PDE4DIP: variants seen among roughly 807,000 people sequenced by gnomAD.
PDE4DIP encodes phosphodiesterase 4D interacting protein.
PDE4DIP carries 59 observed loss-of-function variants against 221.4 expected under a neutral mutation model. The ratio of observed to expected loss-of-function variants is 0.27; its 90% CI spans 0.22 to 0.33. PDE4DIP has a LOEUF of 0.33. PDE4DIP is among the 10% of genes least tolerant of loss of function. The pLI is 1.00. For synonymous variants in PDE4DIP, 404 were observed against 815.9 expected (o/e 0.50, Z 8.60); for missense variants, 1,036 against 2,154.2 (o/e 0.48, Z 10.28).
chr1:149,014,068 A>G (rs1489415716), intron 32 of PDE4DIP, among the ~76,000 whole-genome samples: 34 of 151,722 alleles, frequency 2.2e-4, no homozygotes, highest in Non-Finnish European at 4.1e-4. Context: ...GATTACAGGT[A>G]TGAGCCACTG....
chr1:148,997,569 T>C (rs368281081), intron 22 of PDE4DIP, among the ~76,000 whole-genome samples: 2,678 of 152,170 alleles, frequency 0.018, 47 homozygotes, highest in African/African-American at 0.062. Context: ...TAGTTGGTGT[T>C]GTCTTCCCTG....
At chr1:148,936,712 ATTT>A (rs141610898) in intron 4 of PDE4DIP, among the ~76,000 whole-genome samples, 1 of 151,188 alleles carries the variant, frequency 6.6e-6, no homozygotes, top group Admixed American at 6.6e-5. Context: ...TAAATTTTTA[ATTT>A]TTTTTTTTTA....
chr1:148,958,299 C>G (rs1434886929), intron 5 of PDE4DIP, among the ~76,000 whole-genome samples: 1 of 151,468 alleles, frequency 6.6e-6, no homozygotes, highest in African/African-American at 2.4e-5. Context: ...TATTGTCTTT[C>G]ACCTGCACTA....
At chr1:148,965,376 C>A (rs1553516958) in intron 9 of PDE4DIP, 108 bp from the exon 13 acceptor site, 12 of 729,248 alleles carry the variant, frequency 1.6e-5, no homozygotes, top group Non-Finnish European at 2.5e-5. Flanking sequence ...ATAATGGCAC[C>A]CTCTGCTCCT....
intron 3 of PDE4DIP, among the ~76,000 whole-genome samples, chr1:148,869,978 A>C (rs368694616): frequency 0.013 from 981 of 77,964 alleles, 33 homozygotes; most frequent in African/African-American, 0.054. Flanking sequence ...TTTTGTGTTG[A>C]CATGGGTTTA....
At chr1:148,824,425 A>G (rs1553363794) in intron 1 of PDE4DIP, among the ~76,000 whole-genome samples, 3 of 143,126 alleles carry the variant, frequency 2.1e-5, no homozygotes, top group Non-Finnish European at 4.6e-5. Flanking sequence ...TTAAAAAATA[A>G]TCTAATCTCG....
chr1:148,951,720 T>C (rs2053321745), intron 5 of PDE4DIP, among the ~76,000 whole-genome samples: 1 of 152,310 alleles, frequency 6.6e-6, no homozygotes, highest in African/African-American at 2.4e-5. Flanking sequence ...ATTCACATTG[T>C]ATGTGCCGGA....
intron 5 of PDE4DIP, among the ~76,000 whole-genome samples, chr1:148,956,074 G>A (rs1481142385): frequency 9.9e-5 from 15 of 152,118 alleles, no homozygotes; most frequent in African/African-American, 3.6e-4. Flanking sequence ...ACCAGTGCTA[G>A]ATGGGACAAT....
chr1:149,013,234 G>A (rs587635206), intron 32 of PDE4DIP, among the ~76,000 whole-genome samples: 1 of 151,408 alleles, frequency 6.6e-6, no homozygotes, highest in South Asian at 2.1e-4. Context: ...GATATCATTA[G>A]GTTGGAGCAA....
intron 1 of PDE4DIP, among the ~76,000 whole-genome samples, chr1:148,918,497 A>G (rs1474197775): frequency 8.5e-6 from 1 of 117,344 alleles, no homozygotes; most frequent in African/African-American, 3.6e-5. Context: ...GTTGGCACAT[A>G]CCAAGTAGGT....
Position 149,029,926 on chromosome 1 carries a change from G to A in PDE4DIP, c.6952+1G>A, listed in dbSNP as rs370659192. The A allele has an allele frequency of 2.0e-5, 28 of 1,391,724 alleles. No homozygotes were observed. Among genetic ancestry groups the A allele is most frequent in the Middle Eastern group, 2.5e-4 (1 of 3,952 alleles). 86.2% of individuals were successfully genotyped at this position (1,391,724 alleles called of 1,614,324 possible). On this transcript the variant is annotated splice_donor_variant, in intron 42 of 43. Transcript: ENST00000369354. LOFTEE classifies it high-confidence loss of function. The stretch of plus-strand genomic sequence containing the variant: ...ATGGAGCAGTTCATCGTCAGCCAGC[G>A]TAGGTTCCCTGAGAGGGAATGGGGG...
intron 21 of PDE4DIP, among the ~76,000 whole-genome samples, chr1:148,987,563 C>T (rs1330644505): frequency 4.6e-5 from 7 of 152,100 alleles, no homozygotes; most frequent in African/African-American, 7.2e-5. Context: ...CTTGGCACTG[C>T]CAACTTATTC....
At chr1:148,975,623 G>A (rs1553536896) in intron 17 of PDE4DIP, among the ~76,000 whole-genome samples, 1 of 152,108 alleles carries the variant, frequency 6.6e-6, no homozygotes, top group African/African-American at 2.4e-5. Context: ...TTTGGAAGAG[G>A]CCTTTCAGCC....
chr1:149,016,088 C>T (rs71661998), intron 32 of PDE4DIP, among the ~76,000 whole-genome samples: 103 of 143,454 alleles, frequency 7.2e-4, no homozygotes, highest in South Asian at 1.5e-3. Context: ...TATTCTCTAC[C>T]TCTTGTGTCT....
rs587643399 is a variant in PDE4DIP, at chr1:148,919,309, T to C, written c.142-9888T>C. Among the ~76,000 whole-genome samples, 157 of 151,702 alleles carry C rather than the reference T, an allele frequency of 1.0e-3. 1 individual carries two copies. The highest frequency in any genetic ancestry group is 3.6e-3 in the African/African-American group (146 of 40,968). On this transcript the variant is annotated intron_variant, in intron 1 of 43. Coordinates refer to ENST00000369354, the Ensembl canonical transcript of PDE4DIP. ...AAGGAGAGGCTGTAAATCAAGTTAATTGTATAAAAGCATAAAGCTTTGGGG... is the reference window on the plus strand; with the variant it reads ...AAGGAGAGGCTGTAAATCAAGTTAACTGTATAAAAGCATAAAGCTTTGGGG...
intron 1 of PDE4DIP, among the ~76,000 whole-genome samples, chr1:148,827,244 C>CTTTTTT (rs67632049): frequency 1.2e-4 from 4 of 34,126 alleles, no homozygotes; most frequent in East Asian, 1.0e-3. Flanking sequence ...GTGTTATATT[C>CTTTTTT]TTTTTTTTTT....
chr1:148,922,778 G>A (rs1182278112), intron 1 of PDE4DIP, among the ~76,000 whole-genome samples: 5 of 150,170 alleles, frequency 3.3e-5, no homozygotes, highest in Non-Finnish European at 7.4e-5. Context: ...TAGTAGAGAC[G>A]GGGTTTCACC....
intron 16 of PDE4DIP, among the ~76,000 whole-genome samples, chr1:148,973,190 G>A (rs1412468171): frequency 7.5e-6 from 1 of 134,148 alleles, no homozygotes. Flanking sequence ...TTTTTTTTTT[G>A]AGACGGAGTC....
At chr1:149,012,604 C>T (rs781834093) in exon 32 of PDE4DIP, 5 of 1,598,016 alleles carry the variant, frequency 3.1e-6, no homozygotes, top group Non-Finnish European at 4.3e-6. Flanking sequence ...TTCATTTTCA[C>T]TCCATACCCA....
Sources: gnomAD v4.1 joint callset for allele counts (sites outside exome capture counted in the v4.1 genomes callset) on GRCh38, gnomAD v4.1.1 for gene constraint, MANE v1.5 for transcripts, NCBI Gene and HGNC (gene_info 2026-07-23, HGNC 2026-07-21) for gene names.